The following CCDC171 variants were observed in gnomAD, a reference collection of about 807,000 sequenced individuals.
CCDC171 encodes coiled-coil domain-containing protein 171.
A neutral mutation model predicts 168.2 loss-of-function variants in CCDC171; 177 were observed. That is an observed-to-expected ratio of 1.05 (90% CI 0.93 to 1.19). CCDC171 has a LOEUF of 1.19. CCDC171 is among the 50% of genes most tolerant of loss of function. The pLI, the probability that CCDC171 is intolerant of heterozygous loss-of-function variation, is 0.00. For missense variants in CCDC171, 1,991 were observed against 1,539.0 expected (o/e 1.29, Z -4.91); for synonymous variants, 687 against 540.8 (o/e 1.27, Z -3.75).
intron 18 of CCDC171, among the ~76,000 whole-genome samples, chr9:15,761,081 G>T (rs375556216): frequency 6.6e-6 from 1 of 152,142 alleles, no homozygotes; most frequent in African/African-American, 2.4e-5. Context: ...CAAATGTGCT[G>T]ATTTGCTTTG....
chr9:15,941,031 C>T (rs1827660399), intron 25 of CCDC171, among the ~76,000 whole-genome samples: 1 of 151,882 alleles, frequency 6.6e-6, no homozygotes, highest in Non-Finnish European at 1.5e-5. Flanking sequence ...TTTTCTCATT[C>T]ACTTTATTAT....
At chr9:15,859,587 C>G (rs2061475044) in intron 23 of CCDC171, among the ~76,000 whole-genome samples, 1 of 151,040 alleles carries the variant, frequency 6.6e-6, no homozygotes, top group African/African-American at 2.4e-5. Context: ...TTTTCCCTCC[C>G]TCCCTTCCTC....
rs147013920 is a variant in CCDC171 at position 15,841,856 on chromosome 9, C to T, written c.3268-4846C>T. 3.1e-3 allele frequency among the ~76,000 whole-genome samples: 465 copies of T among 152,000 alleles called. 1 individual carries two copies. The highest frequency in any genetic ancestry group is 8.9e-3 in the Admixed American group (135 of 15,250). On this transcript the variant is annotated intron_variant, in intron 21 of 25. Transcript: ENST00000380701. ...TTGTATCATTTTATGTTTATAGTTT[C>T]TGTGACAACCTGTACAGTTTGATCC...
downstream of CCDC171, among the ~76,000 whole-genome samples, chr9:16,064,349 G>A (rs766237109): frequency 1.1e-4 from 16 of 152,090 alleles, no homozygotes; most frequent in South Asian, 1.9e-3. Context: ...CTTCCAGCTC[G>A]GTAGACAGTG....
downstream of CCDC171, among the ~76,000 whole-genome samples, chr9:16,065,841 T>TGTGTGC (rs1015627458): frequency 3.4e-4 from 50 of 149,238 alleles, no homozygotes; most frequent in African/African-American, 1.2e-3. Context: ...TGTGTGTGTG[T>TGTGTGC]GTGCTGATTA....
intron 15 of CCDC171, 55 bp from the exon 16 acceptor site, chr9:15,729,555 C>A (rs1025806952): frequency 2.6e-6 from 3 of 1,174,286 alleles, no homozygotes; most frequent in African/African-American, 1.5e-5. Flanking sequence ...GGGGAGATGA[C>A]ACAAAGAAAT....
intron 6 of CCDC171, among the ~76,000 whole-genome samples, chr9:15,617,330 C>T (rs1403084043): frequency 1.3e-5 from 2 of 150,776 alleles, no homozygotes; most frequent in Non-Finnish European, 2.9e-5. Flanking sequence ...GATTTATCTA[C>T]CTTTGATCTT....
intron 1 of CCDC171, among the ~76,000 whole-genome samples, chr9:16,059,318 T>A (rs1833892239): frequency 6.6e-6 from 1 of 152,034 alleles, no homozygotes; most frequent in African/African-American, 2.4e-5. Context: ...AGTGGTGGGG[T>A]TGGAATTCAC....
intron 25 of CCDC171, among the ~76,000 whole-genome samples, chr9:15,965,506 T>A (rs1830710116): frequency 6.6e-6 from 1 of 152,244 alleles, no homozygotes; most frequent in African/African-American, 2.4e-5. Flanking sequence ...TTCTGCTCTT[T>A]GAGCCCTAGT....
chr9:15,755,266 G>A (rs2056028898), intron 18 of CCDC171, among the ~76,000 whole-genome samples: 2 of 152,124 alleles, frequency 1.3e-5, no homozygotes, highest in South Asian at 4.1e-4. Context: ...CATTAGGATT[G>A]TGTTTTTGCA....
At chr9:15,843,238 T>C (rs149267361) in intron 21 of CCDC171, among the ~76,000 whole-genome samples, 1 of 152,192 alleles carries the variant, frequency 6.6e-6, no homozygotes, top group East Asian at 1.9e-4. Context: ...TACAGTCATT[T>C]TGGGATACCA....
chr9:16,076,573 C>G, the CCDC171 span, among the ~76,000 whole-genome samples: 1 of 152,330 alleles, frequency 6.6e-6, no homozygotes, highest in Middle Eastern at 3.4e-3. Context: ...GGGTCCCATG[C>G]TTCCGGCAGC....
intron 21 of CCDC171, among the ~76,000 whole-genome samples, chr9:15,795,270 A>G (rs550486248): frequency 6.6e-6 from 1 of 152,264 alleles, no homozygotes; most frequent in South Asian, 2.1e-4. Context: ...CGGTTAATTT[A>G]TAACTAACTC....
At chr9:15,603,700 C>G (rs550866467) in intron 6 of CCDC171, among the ~76,000 whole-genome samples, 115 of 151,488 alleles carry the variant, frequency 7.6e-4, no homozygotes, top group African/African-American at 2.5e-3. Flanking sequence ...GTGAATAGTG[C>G]TGCAATGAGC....
intron 21 of CCDC171, among the ~76,000 whole-genome samples, chr9:15,791,073 G>C (rs544150015): frequency 6.6e-6 from 1 of 152,110 alleles, no homozygotes; most frequent in East Asian, 1.9e-4. Flanking sequence ...TTGTCTTGGC[G>C]ATGCGGGCTC....
chr9:15,694,037 C>T (rs895562460), intron 10 of CCDC171, among the ~76,000 whole-genome samples: 2 of 152,180 alleles, frequency 1.3e-5, no homozygotes, highest in African/African-American at 4.8e-5. Context: ...ACCCAGGAGA[C>T]ACTTTTTAGT....
intron 3 of CCDC171, among the ~76,000 whole-genome samples, chr9:16,008,486 G>A (rs907621077): frequency 3.9e-5 from 6 of 151,968 alleles, no homozygotes; most frequent in Admixed American, 6.6e-5. Context: ...CCTTTCATGC[G>A]TCCAGAAATG....
chr9:15,986,069 C>T (rs1261820379), intron 3 of CCDC171, among the ~76,000 whole-genome samples: 2 of 152,196 alleles, frequency 1.3e-5, no homozygotes, highest in Non-Finnish European at 2.9e-5. Flanking sequence ...TTTTAAGAAA[C>T]TGCTGATGCT....
At chr9:16,104,511 C>T in the CCDC171 span, among the ~76,000 whole-genome samples, 1 of 152,178 alleles carries the variant, frequency 6.6e-6, no homozygotes. Flanking sequence ...GGAACACCTT[C>T]ACCTATTGAC....
Sources: allele counts gnomAD v4.1 joint callset (sites outside exome capture counted in the v4.1 genomes callset), GRCh38; gene constraint gnomAD v4.1.1; transcripts MANE v1.5; gene names NCBI Gene and HGNC (gene_info 2026-07-23, HGNC 2026-07-21).